WDR59: variants seen among roughly 807,000 people sequenced by gnomAD.
WDR59 encodes the protein WD repeat domain 59.
In WDR59, 100 loss-of-function variants were observed where a neutral mutation model predicts 131.2. The observed-to-expected ratio is 0.76, with a 90% CI of 0.65 to 0.90. The LOEUF (loss-of-function observed/expected upper bound fraction) is 0.90, where lower values mean the gene tolerates loss of function less well. WDR59 is among the 40% of genes least tolerant of loss of function. The pLI is 0.00. For synonymous variants in WDR59, 601 were observed against 466.2 expected, an observed-to-expected ratio of 1.29 and a Z score of -3.72; for missense variants, 1,203 against 1,262.2, an observed-to-expected ratio of 0.95 and a Z score of 0.71.
intron 17 of WDR59, among the ~76,000 whole-genome samples, chr16:74,906,032 C>T (rs561744226): frequency 8.6e-5 from 13 of 151,344 alleles, no homozygotes; most frequent in African/African-American, 2.4e-4. Context: ...CACAGTGAGA[C>T]GGCCGGGCGC....
At chr16:74,946,110 G>A (rs532732104) in intron 6 of WDR59, among the ~76,000 whole-genome samples, 57 of 152,050 alleles carry the variant, frequency 3.7e-4, no homozygotes, top group South Asian at 3.3e-3. Flanking sequence ...CACCACACCC[G>A]GCCACATTCA....
intron 25 of WDR59, among the ~76,000 whole-genome samples, chr16:74,881,437 C>G (rs1964477540): frequency 6.6e-6 from 1 of 151,678 alleles, no homozygotes; most frequent in Admixed American, 6.6e-5. Flanking sequence ...AGCAATCTGT[C>G]TGCTTCAGTC....
chr16:74,981,647 TATATA>T (rs2034424761), intron 1 of WDR59, among the ~76,000 whole-genome samples: 8 of 7,506 alleles, frequency 1.1e-3, no homozygotes, highest in East Asian at 8.5e-3. Flanking sequence ...TATATATATA[TATATA>T]TATATATATT....
chr16:74,965,763 G>A lies in WDR59; in HGVS notation c.104+10C>T, dbSNP rs1597806980. Reference sequence around the variant, plus strand: ...AAATCATGGCAGACAAACTCGGCAAGCTTACTTACCCAGAAAGCACTGCAT... The same window carrying A: ...AAATCATGGCAGACAAACTCGGCAAACTTACTTACCCAGAAAGCACTGCAT... On this transcript the variant is annotated intron_variant, in intron 2 of 25. Coordinates refer to ENST00000262144, the MANE Select transcript of WDR59 (RefSeq NM_030581.4). 2 of 1,614,008 alleles carry A rather than the reference G, an allele frequency of 1.2e-6. No homozygotes were observed. The highest frequency in any genetic ancestry group is 8.5e-7 in the Non-Finnish European group (1 of 1,179,984).
In WDR59 at chr16:74,916,242, T is replaced by C. The variant is rs1966375559; in HGVS notation, c.984A>G (p.Ile328Met). The C allele has an allele frequency of 1.9e-6, 3 of 1,613,962 alleles. No homozygotes were observed. Among genetic ancestry groups the C allele is most frequent in the Middle Eastern group, 1.7e-4 (1 of 6,030 alleles). Residue 328 changes from isoleucine to methionine, a missense_variant, in exon 12 of 26, where the codon ATA becomes ATG. Transcript: ENST00000262144. The stretch of plus-strand genomic sequence containing the variant: ...CAATGAACTCATCAACACCATCTAA[T>C]ATGTCATTTGCACAAAGCTGCAACA... ...SQMQRLCANDILDGVDEFIES... is the reference protein window; with the variant it reads ...SQMQRLCANDMLDGVDEFIES...
Position 74,985,082 on chromosome 16 carries a change from G to A in WDR59, c.-65C>T. On this transcript the variant is annotated 5_prime_UTR_variant, in exon 1 of 26. Transcript: ENST00000262144. ...CCCACCCCGCCGTCCCCAGTATCCC[G>A]GGACCGTGCGCCCCACACAGCCAGA... 1.4e-6 allele frequency: 2 copies of A among 1,418,370 alleles called. No homozygotes were observed. Among genetic ancestry groups the A allele is most frequent in the Non-Finnish European group, 9.6e-7 (1 of 1,043,274 alleles). 87.9% of individuals were successfully genotyped at this position (1,418,370 alleles called of 1,614,324 possible).
chr16:74,959,081 G>A (rs1567433100), intron 2 of WDR59, among the ~76,000 whole-genome samples: 4 of 152,088 alleles, frequency 2.6e-5, no homozygotes, highest in African/African-American at 9.7e-5. Flanking sequence ...ACTAAGGAGA[G>A]GGTTATGTGC....
chr16:74,966,117 G>A (rs1051503709), intron 1 of WDR59, among the ~76,000 whole-genome samples: 1 of 151,994 alleles, frequency 6.6e-6, no homozygotes, highest in Non-Finnish European at 1.5e-5. Flanking sequence ...ATTCATTTTT[G>A]ACAATAGGGC....
At position 74,915,882 on chromosome 16, in the gene WDR59, A is replaced by G. The variant is rs1238007901; in HGVS notation, c.1212T>C (p.Asn404=). ...EFSLINVQIR[N]VNVEMDAADR... ...TTAAACTAAGTACCTCCACATTGAC[A>G]TTCCGGATTTGCACATTGATCAGGG... The change falls in exon 13 of 26, where the codon AAT becomes AAC. Residue 404 remains asparagine (N), a synonymous_variant. Coordinates refer to ENST00000262144, the MANE Select transcript of WDR59 (RefSeq NM_030581.4). 3.1e-6 allele frequency: 5 copies of G among 1,614,118 alleles called. No homozygotes were observed. Among genetic ancestry groups the G allele is most frequent in the Non-Finnish European group, 4.2e-6 (5 of 1,180,038 alleles).
chr16:74,925,349 G>C (rs915168556), intron 8 of WDR59, among the ~76,000 whole-genome samples: 4 of 152,032 alleles, frequency 2.6e-5, no homozygotes, highest in Non-Finnish European at 4.4e-5. Flanking sequence ...TTCAAGACCA[G>C]CCTGGCCAAC....
At chr16:74,924,383 G>C (rs2030568829) in intron 8 of WDR59, among the ~76,000 whole-genome samples, 1 of 152,198 alleles carries the variant, frequency 6.6e-6, no homozygotes, top group South Asian at 2.1e-4. Context: ...TTACATTTCA[G>C]ACATATATTT....
chr16:74,979,705 T>C (rs2145254268), intron 1 of WDR59, among the ~76,000 whole-genome samples: 1 of 150,174 alleles, frequency 6.7e-6, no homozygotes, highest in East Asian at 2.0e-4. Flanking sequence ...CACACCCGGC[T>C]AATTTTTGTA....
intron 21 of WDR59, among the ~76,000 whole-genome samples, chr16:74,888,959 C>T (rs8044050): frequency 0.94 from 142,739 of 152,308 alleles, 67,191 homozygotes; most frequent in East Asian, 1. Flanking sequence ...TATTAATGTC[C>T]TCCTATCACT....
intron 24 of WDR59, 76 bp downstream of exon 24, chr16:74,886,194 A>AAAAAAAGCAC: frequency 6.7e-7 from 1 of 1,503,224 alleles, no homozygotes. Context: ...AAAAAAAGTA[A>AAAAAAAGCAC]GAGTTGTGAT....
chr16:74,942,950 G>T, intron 6 of WDR59, 124 bp from the exon 7 acceptor site: 2 of 766,824 alleles, frequency 2.6e-6, no homozygotes, highest in Non-Finnish European at 4.3e-6. Flanking sequence ...TCAAGTTTCT[G>T]TGACTGCACC....
At position 74,965,706 on chromosome 16, in the gene WDR59, C is replaced by T. The variant is rs2033742538; in HGVS notation, c.104+67G>A. The T allele has an allele frequency of 5.1e-6, 8 of 1,583,290 alleles. No homozygotes were observed. In the Admixed American group the frequency reaches 1.2e-4, roughly 23 times the overall value. On this transcript the variant is annotated intron_variant, in intron 2 of 25. Coordinates refer to ENST00000262144, the MANE Select transcript of WDR59 (RefSeq NM_030581.4). ...TAAATATAAGAATAGCTTCCAAGTTCCCAGAAACCCCGATTTGCAAATCGT... is the reference window on the plus strand; with the variant it reads ...TAAATATAAGAATAGCTTCCAAGTTTCCAGAAACCCCGATTTGCAAATCGT...
chr16:74,984,134 G>A lies in WDR59; in HGVS notation c.54+830C>T, dbSNP rs546672724. ...TCTACTAAAAATACAAAAATTAGCC[G>A]GGCGTGGTGGTGCGCACCTGTAATC... On this transcript the variant is annotated intron_variant, in intron 1 of 25. Transcript: ENST00000262144. 3.3e-5 allele frequency among the ~76,000 whole-genome samples: 5 copies of A among 152,008 alleles called. No homozygotes were observed. The East Asian group carries it at 5.8e-4, about 18-fold the overall frequency.
Position 74,874,117 on chromosome 16 carries a change from C to G in WDR59, c.*92G>C. The G allele has an allele frequency of 2.6e-6, 3 of 1,142,128 alleles. No homozygotes were observed. The highest frequency in any genetic ancestry group is 3.8e-6 in the Non-Finnish European group (3 of 799,214). 70.7% of individuals were successfully genotyped at this position (1,142,128 alleles called of 1,614,324 possible). A position where few individuals can be genotyped will look rare whatever the true frequency, so the allele number is the denominator to read the frequency against. ...ATCCTCCGGTCTCACTGGGGACGAACCCAGGTTCTGGAGCCTCTCCCCTGA... is the reference window on the plus strand; with the variant it reads ...ATCCTCCGGTCTCACTGGGGACGAAGCCAGGTTCTGGAGCCTCTCCCCTGA... On this transcript the variant is annotated 3_prime_UTR_variant, in exon 26 of 26. Coordinates refer to ENST00000262144, the MANE Select transcript of WDR59 (RefSeq NM_030581.4).
chr16:74,956,330 C>T (rs1346104480), intron 3 of WDR59, 145 bp downstream of exon 3: 1 of 1,092,698 alleles, frequency 9.2e-7, no homozygotes, highest in Non-Finnish European at 1.2e-6. Context: ...CCGTAACTTG[C>T]CTCTGTCTTT....
Sources: gnomAD v4.1 joint callset for allele counts (sites outside exome capture counted in the v4.1 genomes callset) on GRCh38, gnomAD v4.1.1 for gene constraint, MANE v1.5 for transcripts, NCBI Gene and HGNC (gene_info 2026-07-23, HGNC 2026-07-21) for gene names.